The following HHLA2 variants were observed in gnomAD, a reference collection of about 807,000 sequenced individuals.
The protein encoded by HHLA2 is HERV-H LTR-associating protein 2.
A neutral mutation model predicts 45.9 loss-of-function variants in HHLA2; 48 were observed. The ratio of observed to expected loss-of-function variants is 1.05; its 90% CI spans 0.83 to 1.33. The LOEUF is 1.33. Ranked by LOEUF, HHLA2 falls within the 40% of genes most tolerant of loss-of-function variation. The probability of loss-of-function intolerance (pLI) is 0.00; values close to 1 mark genes in which losing one functional copy is unlikely to be tolerated. For synonymous variants in HHLA2, 161 were observed against 173.9 expected (o/e 0.93, Z 0.59); for missense variants, 462 against 494.3 (o/e 0.93, Z 0.62).
exon 5 of HHLA2, chr3:108,353,707 C>T (rs371274078): frequency 1.2e-4 from 188 of 1,613,426 alleles, no homozygotes; most frequent in Middle Eastern, 3.3e-4. Context: ...GCCTTCTGGA[C>T]GAAGGAATTT....
intron 3 of HHLA2, among the ~76,000 whole-genome samples, chr3:108,335,968 A>G (rs1439574263): frequency 2.0e-5 from 3 of 151,768 alleles, no homozygotes; most frequent in Non-Finnish European, 4.4e-5. Context: ...TCCTTGTTGT[A>G]TTATATCTAG....
At chr3:108,325,860 A>G in intron 2 of HHLA2, 2 of 393,778 alleles carry the variant, frequency 5.1e-6, no homozygotes, top group Non-Finnish European at 9.8e-6. Flanking sequence ...ACATCTCTAG[A>G]ACTACTTTGA....
At chr3:108,357,067 G>A (rs1576164257) in intron 6 of HHLA2, among the ~76,000 whole-genome samples, 1 of 152,200 alleles carries the variant, frequency 6.6e-6, no homozygotes, top group Non-Finnish European at 1.5e-5. Context: ...TTGCTAAGGA[G>A]CTTGTTGAGT....
intron 1 of HHLA2, among the ~76,000 whole-genome samples, chr3:108,306,708 ATAC>A (rs1442236521): frequency 2.0e-5 from 3 of 152,288 alleles, no homozygotes; most frequent in African/African-American, 7.2e-5. Flanking sequence ...CTTTTTTAAC[ATAC>A]TACATTTTCT....
chr3:108,302,580 A>G (rs188624644), intron 1 of HHLA2: 3 of 152,308 alleles, frequency 2.0e-5, no homozygotes, highest in East Asian at 1.9e-4. Flanking sequence ...ATTTTCCCCA[A>G]TTCAAGTTGG....
intron 8 of HHLA2, among the ~76,000 whole-genome samples, chr3:108,369,325 C>T (rs545597798): frequency 2.5e-4 from 38 of 151,898 alleles, no homozygotes; most frequent in Non-Finnish European, 4.7e-4. Flanking sequence ...TAGAGATTCA[C>T]GGGGGGAGGA....
At chr3:108,351,836 C>T (rs759477662) in exon 4 of HHLA2, 2 of 1,612,906 alleles carry the variant, frequency 1.2e-6, no homozygotes, top group South Asian at 2.2e-5. Context: ...ACAGCACTGT[C>T]TTTCTTCCTC....
At chr3:108,314,645 G>A (rs571514459) in intron 2 of HHLA2, among the ~76,000 whole-genome samples, 1 of 152,260 alleles carries the variant, frequency 6.6e-6, no homozygotes, top group South Asian at 2.1e-4. Context: ...AGGGCGGTAG[G>A]CTGTGAACGA....
At chr3:108,367,582 C>T (rs199984287) in intron 8 of HHLA2, among the ~76,000 whole-genome samples, 5 of 151,584 alleles carry the variant, frequency 3.3e-5, no homozygotes, top group Non-Finnish European at 5.9e-5. Flanking sequence ...GTAGCCGAAT[C>T]GATCAAGCAG....
intron 8 of HHLA2, among the ~76,000 whole-genome samples, chr3:108,373,431 G>A (rs1194518704): frequency 7.9e-6 from 1 of 126,650 alleles, no homozygotes; most frequent in Non-Finnish European, 1.7e-5. Context: ...AGACAGGGAT[G>A]CCCTCTCACC....
intron 1 of HHLA2, among the ~76,000 whole-genome samples, chr3:108,303,332 ATC>A: frequency 6.6e-6 from 1 of 152,142 alleles, no homozygotes; most frequent in Non-Finnish European, 1.5e-5. Flanking sequence ...TAGTGCATTC[ATC>A]TCTTTCATCT....
At chr3:108,301,950 G>A (rs2080857169) in intron 1 of HHLA2, among the ~76,000 whole-genome samples, 1 of 152,030 alleles carries the variant, frequency 6.6e-6, no homozygotes. Context: ...CAATATAAAA[G>A]GTAATCCACA....
chr3:108,376,236 A>C (rs1467213504), intron 9 of HHLA2, among the ~76,000 whole-genome samples: 1 of 152,164 alleles, frequency 6.6e-6, no homozygotes, highest in Admixed American at 6.5e-5. Flanking sequence ...AAGGATCACA[A>C]GGAGCCAGGA....
intron 1 of HHLA2, among the ~76,000 whole-genome samples, chr3:108,310,360 C>A (rs997099404): frequency 5.3e-5 from 8 of 152,066 alleles, no homozygotes; most frequent in Admixed American, 2.6e-4. Flanking sequence ...ATCAAAAATA[C>A]CTGTTAATAT....
chr3:108,362,333 T>G lies in HHLA2; in HGVS notation c.1004-9T>G. The G allele has an allele frequency of 1.3e-6, 2 of 1,599,922 alleles. No individual in the cohort carries two copies. Among genetic ancestry groups the G allele is most frequent in the Non-Finnish European group, 1.7e-6 (2 of 1,173,518 alleles). The stretch of plus-strand genomic sequence containing the variant: ...GTTCACAGACTTTGTTTCTCCTTTT[T>G]TTTTTTAGAACCGAGCCAAGAAACA... On this transcript the variant is annotated splice_polypyrimidine_tract_variant and intron_variant, in intron 7 of 10. Coordinates refer to ENST00000619531, the Ensembl canonical transcript of HHLA2.
chr3:108,309,382 G>A (rs932716084), intron 1 of HHLA2, among the ~76,000 whole-genome samples: 1 of 151,944 alleles, frequency 6.6e-6, no homozygotes, highest in African/African-American at 2.4e-5. Context: ...CTGTTTTTAT[G>A]CAAGTACCAC....
chr3:108,337,232 G>A (rs2107402572), intron 3 of HHLA2, among the ~76,000 whole-genome samples: 1 of 152,256 alleles, frequency 6.6e-6, no homozygotes, highest in South Asian at 2.1e-4. Context: ...TGCATTTGAT[G>A]TTAATTTCAT....
intron 7 of HHLA2, among the ~76,000 whole-genome samples, chr3:108,359,446 T>C (rs1226456461): frequency 3.3e-5 from 5 of 152,214 alleles, no homozygotes; most frequent in Non-Finnish European, 7.3e-5. Flanking sequence ...TCTTGGTACC[T>C]TAAATATCAT....
intron 1 of HHLA2, among the ~76,000 whole-genome samples, chr3:108,306,929 C>T (rs2080940125): frequency 6.6e-6 from 1 of 152,104 alleles, no homozygotes; most frequent in Admixed American, 6.5e-5. Context: ...GATCTCGGCT[C>T]ACTGTAACCT....
Sources: allele counts gnomAD v4.1 joint callset (sites outside exome capture counted in the v4.1 genomes callset), GRCh38; gene constraint gnomAD v4.1.1; transcripts MANE v1.5; gene names NCBI Gene and HGNC (gene_info 2026-07-23, HGNC 2026-07-21).